FBXW7: variants seen among roughly 807,000 people sequenced by gnomAD.
FBXW7 encodes F-box/WD repeat-containing protein 7.
A neutral mutation model predicts 86.3 loss-of-function variants in FBXW7; 11 were observed. That is an observed-to-expected ratio of 0.13 (90% CI 0.08 to 0.21). The LOEUF is 0.21. Ranked by LOEUF, FBXW7 falls within the 10% of genes least tolerant of loss-of-function variation. FBXW7 has a pLI of 1.00. For synonymous variants in FBXW7, 313 were observed against 297.9 expected (o/e 1.05, Z -0.52); for missense variants, 488 against 847.4 (o/e 0.58, Z 5.27).
chr4:152,408,531 T>C (rs917073835), intron 4 of FBXW7, among the ~76,000 whole-genome samples: 14 of 152,218 alleles, frequency 9.2e-5, no homozygotes, highest in African/African-American at 3.4e-4. Context: ...TGTTCCTGAT[T>C]ACTTTAGCCT....
chr4:152,489,553 T>C (rs1185049754), intron 2 of FBXW7: 1 of 152,518 alleles, frequency 6.6e-6, no homozygotes, highest in Non-Finnish European at 1.5e-5. Context: ...ACATGAAATA[T>C]TGGTTCTAAT....
chr4:152,508,747 T>G (rs1200228691), intron 2 of FBXW7, among the ~76,000 whole-genome samples: 1 of 152,088 alleles, frequency 6.6e-6, no homozygotes, highest in Non-Finnish European at 1.5e-5. Flanking sequence ...AGTACTTATT[T>G]TTAAGTACCT....
At chr4:152,323,457 T>C (rs974636642) in intron 13 of FBXW7, 8 of 381,904 alleles carry the variant, frequency 2.1e-5, no homozygotes, top group Admixed American at 1.2e-4. Context: ...ATGTAGATAG[T>C]GCAACTTCAT....
intron 2 of FBXW7, among the ~76,000 whole-genome samples, chr4:152,456,486 T>C (rs1742432550): frequency 6.6e-6 from 1 of 151,224 alleles, no homozygotes. Flanking sequence ...CAGTGAGCTA[T>C]GATCACACCA....
At chr4:152,328,162 C>G in intron 11 of FBXW7, 46 bp downstream of exon 11, 1 of 1,528,034 alleles carries the variant, frequency 6.5e-7, no homozygotes. Flanking sequence ...CCAAATTCAC[C>G]AATAATAGAG....
chr4:152,428,402 T>C (rs1341181015), intron 2 of FBXW7, among the ~76,000 whole-genome samples: 1 of 152,224 alleles, frequency 6.6e-6, no homozygotes, highest in African/African-American at 2.4e-5. Flanking sequence ...TTATTTCTAA[T>C]AAATATTCTT....
chr4:152,428,037 T>A (rs185753577), intron 2 of FBXW7, among the ~76,000 whole-genome samples: 3 of 152,062 alleles, frequency 2.0e-5, no homozygotes, highest in African/African-American at 7.2e-5. Flanking sequence ...CTAAAAAGAG[T>A]TGAAGCTACA....
At chr4:152,391,387 T>G (rs912925621) in intron 4 of FBXW7, among the ~76,000 whole-genome samples, 1 of 152,146 alleles carries the variant, frequency 6.6e-6, no homozygotes, top group Admixed American at 6.6e-5. Context: ...TAAATTAAGC[T>G]GAGAGCCTAA....
chr4:152,498,891 T>G (rs1468687901), intron 2 of FBXW7, among the ~76,000 whole-genome samples: 1 of 152,148 alleles, frequency 6.6e-6, no homozygotes. Context: ...GTATAAGTGC[T>G]TGACAATTTT....
At chr4:152,325,628 C>T (rs961435636) in intron 12 of FBXW7, 2 of 195,448 alleles carry the variant, frequency 1.0e-5, no homozygotes, top group Admixed American at 1.1e-4. Flanking sequence ...GGTCCATCAA[C>T]TTTCAGCTAT....
intron 2 of FBXW7, among the ~76,000 whole-genome samples, chr4:152,457,722 A>C (rs2149624000): frequency 6.6e-6 from 1 of 151,660 alleles, no homozygotes; most frequent in South Asian, 2.1e-4. Flanking sequence ...AAAATGGAGC[A>C]GAGAAATTAA....
chr4:152,507,934 A>G (rs1374358267), intron 2 of FBXW7, among the ~76,000 whole-genome samples: 1 of 151,816 alleles, frequency 6.6e-6, no homozygotes, highest in Non-Finnish European at 1.5e-5. Context: ...GTGGTGGCAC[A>G]TACCTGGCCT....
chr4:152,489,818 C>G (rs1745671573), intron 2 of FBXW7, among the ~76,000 whole-genome samples: 1 of 152,008 alleles, frequency 6.6e-6, no homozygotes, highest in South Asian at 2.1e-4. Context: ...CAATACCACC[C>G]CCATGCCTAC....
intron 2 of FBXW7, among the ~76,000 whole-genome samples, chr4:152,483,163 T>G (rs954921247): frequency 9.9e-5 from 15 of 152,188 alleles, no homozygotes; most frequent in Admixed American, 2.6e-4. Flanking sequence ...TTTATGCATA[T>G]TTCTATGAAA....
chr4:152,478,062 T>G (rs1188020048), intron 2 of FBXW7, among the ~76,000 whole-genome samples: 1 of 152,148 alleles, frequency 6.6e-6, no homozygotes, highest in East Asian at 1.9e-4. Context: ...TTTAAAAATA[T>G]TTTTGTATCA....
intron 13 of FBXW7, 166 bp from the exon 14 acceptor site, chr4:152,323,315 G>A: frequency 1.2e-6 from 1 of 821,372 alleles, no homozygotes; most frequent in Non-Finnish European, 1.8e-6. Context: ...CAGCATGGAT[G>A]TAAGAAAATC....
chr4:152,517,928 T>A (rs966094114), intron 2 of FBXW7, among the ~76,000 whole-genome samples: 43 of 152,174 alleles, frequency 2.8e-4, no homozygotes, highest in Non-Finnish European at 1.6e-4. Context: ...TTTACCAGAA[T>A]TTAGTTCCAC....
At chr4:152,528,181 CAG>C (rs1180467970) in intron 2 of FBXW7, among the ~76,000 whole-genome samples, 2 of 151,848 alleles carry the variant, frequency 1.3e-5, no homozygotes, top group African/African-American at 4.8e-5. Flanking sequence ...CAGAAACACA[CAG>C]AGAGAGAGAG....
intron 2 of FBXW7, among the ~76,000 whole-genome samples, chr4:152,446,644 C>T (rs1015526365): frequency 2.0e-5 from 3 of 152,128 alleles, no homozygotes; most frequent in Non-Finnish European, 4.4e-5. Flanking sequence ...TTCACGCTGC[C>T]CATTTATTTT....
Sources: gnomAD v4.1 joint callset for allele counts (sites outside exome capture counted in the v4.1 genomes callset) on GRCh38, gnomAD v4.1.1 for gene constraint, MANE v1.5 for transcripts, NCBI Gene and HGNC (gene_info 2026-07-23, HGNC 2026-07-21) for gene names.